EPB41L4B: variants seen among roughly 807,000 people sequenced by gnomAD.
The protein encoded by EPB41L4B is erythrocyte membrane protein band 4.1 like 4B.
Under a neutral mutation model 112.5 loss-of-function variants are expected in EPB41L4B, and 30 were observed. That is an observed-to-expected ratio of 0.27 (90% CI 0.20 to 0.36). The LOEUF is 0.36. EPB41L4B is among the 10% of genes least tolerant of loss of function. The pLI, the probability that EPB41L4B is intolerant of heterozygous loss-of-function variation, is 1.00. For missense variants in EPB41L4B, 1,024 were observed against 1,133.3 expected, an observed-to-expected ratio of 0.90 and a Z score of 1.38; for synonymous variants, 408 against 439.7, an observed-to-expected ratio of 0.93 and a Z score of 0.90.
chr9:109,212,553 C>T (rs554558054), intron 17 of EPB41L4B, among the ~76,000 whole-genome samples: 2 of 152,106 alleles, frequency 1.3e-5, no homozygotes, highest in Admixed American at 1.3e-4. Flanking sequence ...TTTAGGCCGC[C>T]CTGCTGAGGG....
chr9:109,279,834 CG>C lies in EPB41L4B; in HGVS notation c.393del (p.Asp132ThrfsTer15). The part of the protein sequence containing the change: ...VETDYFGLQF[L>X]DSAQVAHWLD... ...TAACCTACCGCAACCTGGGCAGAGTCGAGGAACTGGAGGCCAAAGTAATCTG... is the reference window on the plus strand; with the variant it reads ...TAACCTACCGCAACCTGGGCAGAGTCAGGAACTGGAGGCCAAAGTAATCTG... On this transcript the variant is annotated frameshift_variant, in exon 2 of 26. Transcript: ENST00000374566. LOFTEE classifies it high-confidence loss of function. The C allele has an allele frequency of 6.2e-7, 1 of 1,614,018 alleles. No homozygotes were observed.
At position 109,203,673 on chromosome 9, in the gene EPB41L4B, C is replaced by T. The variant is rs766696614; in HGVS notation, c.1936G>A (p.Ala646Thr). The change falls in exon 19 of 26, where the codon GCT (alanine) becomes ACT (threonine). Residue 646 changes from alanine to threonine, a missense_variant. By Grantham distance (58) the Ala-to-Thr change is moderately conservative. Coordinates refer to ENST00000374566, the MANE Select transcript of EPB41L4B (RefSeq NM_019114.5). ...CAAGGAGCAACAGACCTTACACTAG[C>T]GTCCTGAAGACTGGATTTCTTATTG... ...NINKKSSLQD[A>T]SVRSPIPIRV... 2.2e-5 allele frequency: 36 copies of T among 1,612,898 alleles called. No homozygotes were observed. Among genetic ancestry groups the T allele is most frequent in the African/African-American group, 5.3e-5 (4 of 74,886 alleles).
intron 20 of EPB41L4B, among the ~76,000 whole-genome samples, chr9:109,197,834 A>C (rs1229620132): frequency 1.3e-5 from 2 of 150,836 alleles, no homozygotes; most frequent in Non-Finnish European, 3.0e-5. Context: ...AAAAAAAAAA[A>C]CAAAAAAAAG....
intron 6 of EPB41L4B, among the ~76,000 whole-genome samples, chr9:109,261,674 G>T (rs1000292626): frequency 6.6e-5 from 10 of 152,232 alleles, no homozygotes; most frequent in Admixed American, 3.3e-4. Flanking sequence ...ATTTTCAAAA[G>T]TCCACTCAAA....
chr9:109,316,458 C>T (rs1837638337), intron 1 of EPB41L4B, among the ~76,000 whole-genome samples: 2 of 152,210 alleles, frequency 1.3e-5, no homozygotes, highest in Admixed American at 1.3e-4. Flanking sequence ...GTGCCGCTGC[C>T]AAGCACACTA....
At chr9:109,307,290 A>C (rs778675710) in intron 1 of EPB41L4B, 5 of 478,192 alleles carry the variant, frequency 1.0e-5, no homozygotes, top group East Asian at 5.5e-5. Context: ...AATAAAGCTA[A>C]ATACCTCTGG....
At chr9:109,184,570 A>G (rs1832186851) in intron 23 of EPB41L4B, among the ~76,000 whole-genome samples, 1 of 152,240 alleles carries the variant, frequency 6.6e-6, no homozygotes, top group Non-Finnish European at 1.5e-5. Flanking sequence ...AGCAATCTCA[A>G]AGAATTATTT....
At chr9:109,259,451 C>T (rs1407992089) in intron 6 of EPB41L4B, among the ~76,000 whole-genome samples, 1 of 152,186 alleles carries the variant, frequency 6.6e-6, no homozygotes, top group Non-Finnish European at 1.5e-5. Context: ...ACTTTAAGAA[C>T]CTCTGCTGCA....
intron 4 of EPB41L4B, among the ~76,000 whole-genome samples, chr9:109,265,267 C>T (rs998007200): frequency 4.6e-5 from 7 of 152,198 alleles, no homozygotes; most frequent in Non-Finnish European, 8.8e-5. Context: ...TAGGATGGAA[C>T]GTGATACACG....
At chr9:109,255,714 G>A (rs762002127) in intron 10 of EPB41L4B, 34 bp from the exon 11 acceptor site, 18 of 1,609,954 alleles carry the variant, frequency 1.1e-5, no homozygotes, top group South Asian at 7.7e-5. Flanking sequence ...TCGAGTGGGC[G>A]TTTGCAACCC....
rs1400391388 is a variant in EPB41L4B, at chr9:109,279,804, A to T, written c.411+13T>A. 7 of 1,608,796 alleles carry T rather than the reference A, an allele frequency of 4.4e-6. No individual in the cohort carries two copies. Among genetic ancestry groups the T allele is most frequent in the Non-Finnish European group, 5.1e-6 (6 of 1,176,442 alleles). ...GCCAATCTGTTCTGAAATGAATCAA[A>T]GCAATAACCTACCGCAACCTGGGCA... is the stretch of plus-strand genomic sequence containing the variant. On this transcript the variant is annotated intron_variant, in intron 2 of 25. Transcript: ENST00000374566.
At chr9:109,215,559 A>G (rs187649750) in intron 16 of EPB41L4B, among the ~76,000 whole-genome samples, 2 of 152,088 alleles carry the variant, frequency 1.3e-5, no homozygotes, top group East Asian at 1.9e-4. Context: ...GATTACAAGC[A>G]TAATTACAAC....
chr9:109,208,149 C>T, intron 17 of EPB41L4B, 100 bp from the exon 18 acceptor site: 2 of 1,388,650 alleles, frequency 1.4e-6, no homozygotes, highest in Non-Finnish European at 2.0e-6. Context: ...CACAGACCTA[C>T]ATACATAGAC....
At chr9:109,284,949 T>C (rs1260606823) in intron 1 of EPB41L4B, among the ~76,000 whole-genome samples, 1 of 152,254 alleles carries the variant, frequency 6.6e-6, no homozygotes, top group Non-Finnish European at 1.5e-5. Context: ...AGCAGCAGGA[T>C]GTGGCAGAAA....
intron 15 of EPB41L4B, chr9:109,240,823 AT>A: frequency 1.0e-6 from 1 of 985,460 alleles, no homozygotes. Flanking sequence ...TGTATTCACA[AT>A]TATGTCTTCT....
intron 15 of EPB41L4B, among the ~76,000 whole-genome samples, chr9:109,234,100 T>TA (rs11309784): frequency 0.41 from 59,496 of 145,358 alleles, 12,114 homozygotes; most frequent in Admixed American, 0.53. Context: ...CAGACTAAGT[T>TA]AAAAAAAAAA....
intron 14 of EPB41L4B, 86 bp from the exon 15 acceptor site, chr9:109,243,768 C>T (rs967995406): frequency 3.7e-6 from 5 of 1,347,358 alleles, no homozygotes; most frequent in Non-Finnish European, 3.2e-6. Context: ...TGGCATCCAC[C>T]CGAGGGGCTG....
chr9:109,281,731 A>T (rs1327495737), intron 1 of EPB41L4B, among the ~76,000 whole-genome samples: 1 of 98,024 alleles, frequency 1.0e-5, no homozygotes, highest in African/African-American at 4.7e-5. Context: ...TAAATTAATT[A>T]ATTAATTTTA....
intron 2 of EPB41L4B, among the ~76,000 whole-genome samples, chr9:109,275,148 G>C (rs1291927182): frequency 1.3e-5 from 2 of 152,234 alleles, no homozygotes; most frequent in East Asian, 3.8e-4. Context: ...AATACGCTTT[G>C]ACAGTTGCTT....
Sources: gnomAD v4.1 joint callset for allele counts (sites outside exome capture counted in the v4.1 genomes callset) on GRCh38, gnomAD v4.1.1 for gene constraint, MANE v1.5 for transcripts, NCBI Gene and HGNC (gene_info 2026-07-23, HGNC 2026-07-21) for gene names.